The following WDR43 variants were observed in gnomAD, a reference collection of about 807,000 sequenced individuals.
The protein encoded by WDR43 is WD repeat-containing protein 43.
In WDR43, 13 loss-of-function variants were observed where a neutral mutation model predicts 91.4. The observed-to-expected ratio is 0.14, with a 90% CI of 0.09 to 0.23. The LOEUF (loss-of-function observed/expected upper bound fraction) is 0.23, where lower values mean the gene tolerates loss of function less well. Among genes scored for constraint, WDR43 ranks in the 10% least tolerant of loss-of-function variants. The pLI, the probability that WDR43 is intolerant of heterozygous loss-of-function variation, is 1.00. For missense variants in WDR43, 780 were observed against 809.4 expected (o/e 0.96, Z 0.44); for synonymous variants, 331 against 287.9 (o/e 1.15, Z -1.51).
At chr2:28,944,806 G>A (rs1462463849) in intron 16 of WDR43, among the ~76,000 whole-genome samples, 1 of 152,236 alleles carries the variant, frequency 6.6e-6, no homozygotes, top group Non-Finnish European at 1.5e-5. Flanking sequence ...AACGACTAAC[G>A]GGTGGCTAGT....
At chr2:28,911,381 C>T (rs942118956) in intron 3 of WDR43, among the ~76,000 whole-genome samples, 3 of 151,626 alleles carry the variant, frequency 2.0e-5, no homozygotes, top group African/African-American at 2.4e-5. Context: ...GCAAGCTCCG[C>T]CTCCCAGGTT....
rs547656768 is a variant in WDR43 at position 28,946,300 on chromosome 2, T to A, written c.1805-150T>A. 117 of 845,120 alleles carry A rather than the reference T, an allele frequency of 1.4e-4. No individual in the cohort carries two copies. The East Asian group carries it at 2.7e-3, about 19-fold the overall frequency. The allele number at this position is 845,120 out of a possible 1,614,324, so 52.4% of individuals were successfully genotyped here. On this transcript the variant is annotated intron_variant, in intron 16 of 17. Transcript: ENST00000407426. Reference sequence around the variant, plus strand: ...CACTCCAGCCTGCAAAAAAAAAAAATAATAAAATAATGTTATTTCTTAGTT... The same window carrying A: ...CACTCCAGCCTGCAAAAAAAAAAAAAAATAAAATAATGTTATTTCTTAGTT...
intron 2 of WDR43, among the ~76,000 whole-genome samples, chr2:28,905,626 A>G (rs2148180256): frequency 6.6e-6 from 1 of 150,634 alleles, no homozygotes; most frequent in South Asian, 2.1e-4. Flanking sequence ...AGGAAAGTTA[A>G]CATTTTGAAA....
Position 28,901,983 on chromosome 2 carries a change from C to T in WDR43, c.226-4C>T, listed in dbSNP as rs1318436079. ...ATAAAAACATTGTTTTTCTTTTTTT[C>T]CAGGAAAGTCCCCAGAGGAAAAAAA... On this transcript the variant is annotated splice_polypyrimidine_tract_variant and splice_region_variant and intron_variant, in intron 1 of 17. Transcript: ENST00000407426. 6.3e-7 allele frequency: 1 copy of T among 1,578,584 alleles called. No homozygotes were observed. The highest frequency in any genetic ancestry group is 1.2e-5 in the South Asian group (1 of 84,640).
intron 2 of WDR43, 23 bp from the exon 3 acceptor site, chr2:28,906,433 AATTT>A: frequency 6.9e-7 from 1 of 1,453,276 alleles, no homozygotes. Flanking sequence ...ACCAGCCTTA[AATTT>A]TTTTTTTTTT....
intron 14 of WDR43, among the ~76,000 whole-genome samples, chr2:28,940,556 A>T (rs1671416876): frequency 6.6e-6 from 1 of 152,172 alleles, no homozygotes; most frequent in Non-Finnish European, 1.5e-5. Flanking sequence ...GAGCCCAGAG[A>T]TGGGAGGAAA....
At position 28,947,416 on chromosome 2, in the gene WDR43, AT is replaced by A. The variant is rs1220291395; in HGVS notation, c.*644del. The stretch of plus-strand genomic sequence containing the variant: ...TATTTTTGAAGCTATCATGTGAAGT[AT>A]TTTTTTAAAACAAAACAAAAATTAT... On this transcript the variant is annotated 3_prime_UTR_variant, in exon 18 of 18. Coordinates refer to ENST00000407426, the MANE Select transcript of WDR43 (RefSeq NM_015131.3). 6.6e-6 allele frequency: 1 copy of A among 152,122 alleles called. No individual in the cohort carries two copies. Among genetic ancestry groups the A allele is most frequent in the Non-Finnish European group, 1.5e-5 (1 of 68,006 alleles). 9.4% of individuals were successfully genotyped at this position (152,122 alleles called of 1,614,324 possible).
chr2:28,898,623 G>A lies in WDR43; in HGVS notation c.226-3364G>A, dbSNP rs146754202. Among the ~76,000 whole-genome samples the A allele has an allele frequency of 1.8e-3, 270 of 152,108 alleles. 1 individual carries two copies. Among genetic ancestry groups the A allele is most frequent in the African/African-American group, 5.5e-3 (230 of 41,486 alleles). ...AACTTGGCATACTTTTTGGTGTCTA[G>A]AGTTCAGTATTTCTCAGAGCAGATT... On this transcript the variant is annotated intron_variant, in intron 1 of 17. Transcript: ENST00000407426.
chr2:28,922,361 A>C (rs1671046396), intron 6 of WDR43, among the ~76,000 whole-genome samples: 1 of 152,192 alleles, frequency 6.6e-6, no homozygotes, highest in Non-Finnish European at 1.5e-5. Context: ...TTAAAAAATG[A>C]GCTTTAGAGA....
chr2:28,913,910 A>G (rs1484468789), intron 4 of WDR43, among the ~76,000 whole-genome samples, 159 bp from the exon 5 acceptor site: 1 of 152,232 alleles, frequency 6.6e-6, no homozygotes, highest in Non-Finnish European at 1.5e-5. Context: ...ATTATAGCAC[A>G]AATAACCTTA....
At chr2:28,935,429 T>G (rs768562973) in intron 11 of WDR43, 92 bp from the exon 12 acceptor site, 1 of 869,900 alleles carries the variant, frequency 1.1e-6, no homozygotes, top group Non-Finnish European at 1.8e-6. Flanking sequence ...CTTAAATGAT[T>G]TAAAGGATTC....
intron 3 of WDR43, among the ~76,000 whole-genome samples, chr2:28,910,734 C>T (rs12620306): frequency 0.26 from 38,176 of 149,562 alleles, 6,042 homozygotes; most frequent in East Asian, 0.77. Context: ...GGTCTCACTC[C>T]GTCACCCAGG....
intron 1 of WDR43, 172 bp downstream of exon 1, chr2:28,895,095 C>T (rs1572575443): frequency 1.7e-6 from 1 of 578,208 alleles, no homozygotes; most frequent in Non-Finnish European, 2.5e-6. Flanking sequence ...CGCGTGCGGC[C>T]TGCCGCGAGG....
At chr2:28,929,229 G>A (rs971234840) in intron 10 of WDR43, among the ~76,000 whole-genome samples, 2 of 152,146 alleles carry the variant, frequency 1.3e-5, no homozygotes, top group African/African-American at 4.8e-5. Flanking sequence ...TTATAGTGGG[G>A]CAAGCTTCTG....
intron 3 of WDR43, among the ~76,000 whole-genome samples, chr2:28,908,827 G>T (rs1427579170): frequency 6.6e-6 from 1 of 152,052 alleles, no homozygotes; most frequent in East Asian, 1.9e-4. Context: ...CCCCCTTCCA[G>T]TTCTCTCAAT....
rs1391902847 is a variant in WDR43 at position 28,946,479 on chromosome 2, A to G, written c.1834A>G (p.Ile612Val). The G allele has an allele frequency of 6.2e-7, 1 of 1,612,120 alleles. No individual in the cohort carries two copies. Among genetic ancestry groups the G allele is most frequent in the Non-Finnish European group, 8.5e-7 (1 of 1,179,192 alleles). ...ESSEEESDDE[I>V]ADKDSEDNWD... is the part of the protein sequence containing the mutation. ...TTCTGAAGAGGAGTCTGATGATGAA[A>G]TAGCAGATAAGGATTCTGAAGTGAG... The change falls in exon 17 of 18, where the codon ATA becomes GTA. Residue 612 changes from isoleucine (I) to valine (V), a missense_variant. By Grantham distance (29) the Ile-to-Val change is conservative. Coordinates refer to ENST00000407426, the MANE Select transcript of WDR43 (RefSeq NM_015131.3).
At position 28,929,684 on chromosome 2, in the gene WDR43, G is replaced by A; in HGVS notation, c.1411G>A (p.Glu471Lys). The change falls in exon 11 of 18, where the codon GAA (glutamate) becomes AAA (lysine). Residue 471 changes from glutamate to lysine, a missense_variant. Physicochemically the swap from Glu to Lys is moderately conservative, Grantham distance 56. Around this residue, in one of 4 missense-constraint regions of WDR43, gnomAD observed 426 missense variants for 467.8 expected, o/e 0.91. Coordinates refer to ENST00000407426, the MANE Select transcript of WDR43 (RefSeq NM_015131.3). ...SFPVLLTQGL[E>K]SNDFEMLNKV... ...TCCAGTTCTTCTTACCCAGGGCTTA[G>A]AAAGTAACGATTTTGAAATGCTAAA... The A allele has an allele frequency of 6.2e-7, 1 of 1,613,192 alleles. No individual in the cohort carries two copies. The highest frequency in any genetic ancestry group is 8.5e-7 in the Non-Finnish European group (1 of 1,179,642).
chr2:28,901,647 G>A lies in WDR43; in HGVS notation c.226-340G>A, dbSNP rs999454957. Among the ~76,000 whole-genome samples, 3 of 152,156 alleles carry A rather than the reference G, an allele frequency of 2.0e-5. No individual in the cohort carries two copies. The East Asian group carries it at 5.8e-4, about 29-fold the overall frequency. ...TCTTTGGTTGGGGAGTGAAGGCTTC[G>A]CTTAGGTTGGACCTGTCAGGAGGGG... On this transcript the variant is annotated intron_variant, in intron 1 of 17. Transcript: ENST00000407426.
At chr2:28,936,878 T>G in intron 12 of WDR43, 44 bp from the exon 13 acceptor site, 1 of 1,530,386 alleles carries the variant, frequency 6.5e-7, no homozygotes, top group Non-Finnish European at 8.9e-7. Context: ...CAGCATTGGT[T>G]GCCTCTGAAG....
Sources: allele counts gnomAD v4.1 joint callset (sites outside exome capture counted in the v4.1 genomes callset), GRCh38; gene constraint gnomAD v4.1.1; regional missense constraint gnomAD v4.1.1; transcripts MANE v1.5; gene names NCBI Gene and HGNC (gene_info 2026-07-23, HGNC 2026-07-21).